PAPPA2: variants seen among roughly 807,000 people sequenced by gnomAD.
PAPPA2 encodes the protein pappalysin 2, also known as pappalysin-2.
Under a neutral mutation model 176.4 loss-of-function variants are expected in PAPPA2, and 86 were observed. That is an observed-to-expected ratio of 0.49 (90% CI 0.41 to 0.58). The LOEUF is 0.58. Among genes scored for constraint, PAPPA2 ranks in the 20% least tolerant of loss-of-function variants. The pLI, the probability that PAPPA2 is intolerant of heterozygous loss-of-function variation, is 0.00. For missense variants in PAPPA2, 2,073 were observed against 2,256.9 expected, an observed-to-expected ratio of 0.92 and a Z score of 1.65; for synonymous variants, 809 against 852.2, an observed-to-expected ratio of 0.95 and a Z score of 0.88.
chr1:176,813,245 T>C (rs1666234357), intron 21 of PAPPA2, among the ~76,000 whole-genome samples: 1 of 152,204 alleles, frequency 6.6e-6, no homozygotes, highest in African/African-American at 2.4e-5. Flanking sequence ...AGTGCTGCAA[T>C]GAACATACAC....
chr1:176,484,378 C>T (rs905797061), intron 1 of PAPPA2, among the ~76,000 whole-genome samples: 4 of 152,148 alleles, frequency 2.6e-5, no homozygotes, highest in Non-Finnish European at 5.9e-5. Flanking sequence ...CTGGATCTGT[C>T]GTTTAATGTG....
Position 176,606,954 on chromosome 1 carries a change from G to T in PAPPA2, c.1991+11359G>T, listed in dbSNP as rs1206645938. On this transcript the variant is annotated intron_variant, in intron 3 of 22. Coordinates refer to ENST00000367662, the MANE Select transcript of PAPPA2 (RefSeq NM_020318.3). The stretch of plus-strand genomic sequence containing the variant: ...AAAGTTATACTGGACAATAGTCTTA[G>T]ATGTTGGGCTAAGGGATTTGAACCA... 4.6e-5 allele frequency among the ~76,000 whole-genome samples: 7 copies of T among 152,306 alleles called. No homozygotes were observed. In the East Asian group the frequency reaches 1.4e-3, roughly 29 times the overall value.
intron 10 of PAPPA2, among the ~76,000 whole-genome samples, chr1:176,709,259 C>T (rs952051296): frequency 2.6e-5 from 4 of 152,158 alleles, no homozygotes; most frequent in African/African-American, 9.7e-5. Context: ...AACCTGCATT[C>T]TGGCTCTTGG....
chr1:176,828,442 C>T (rs553088850), intron 21 of PAPPA2, among the ~76,000 whole-genome samples: 4 of 151,584 alleles, frequency 2.6e-5, no homozygotes, highest in African/African-American at 7.3e-5. Flanking sequence ...TGCATCTATA[C>T]GTGCGTATAA....
chr1:176,545,722 A>G (rs1468386641), intron 1 of PAPPA2, among the ~76,000 whole-genome samples: 1 of 152,224 alleles, frequency 6.6e-6, no homozygotes, highest in Non-Finnish European at 1.5e-5. Flanking sequence ...AGGGATGACC[A>G]TGCATACTTC....
chr1:176,560,833 T>C (rs1651624344), intron 2 of PAPPA2, among the ~76,000 whole-genome samples: 1 of 152,232 alleles, frequency 6.6e-6, no homozygotes, highest in South Asian at 2.1e-4. Flanking sequence ...AAATGTTCCC[T>C]GAAGTTGCCC....
chr1:176,583,664 C>T (rs992729866), intron 2 of PAPPA2, among the ~76,000 whole-genome samples: 1 of 152,096 alleles, frequency 6.6e-6, no homozygotes, highest in African/African-American at 2.4e-5. Context: ...GTCTTAAACT[C>T]CTGGGCTCAA....
chr1:176,577,984 G>C (rs2102623550), intron 2 of PAPPA2, among the ~76,000 whole-genome samples: 1 of 152,204 alleles, frequency 6.6e-6, no homozygotes. Context: ...GGGCTTCTTG[G>C]AGAAGCAGGA....
chr1:176,702,768 TGTGTGTGTGA>T (rs935793758), intron 9 of PAPPA2, 33 bp downstream of exon 9: 3 of 1,577,402 alleles, frequency 1.9e-6, no homozygotes, highest in African/African-American at 2.9e-5. Flanking sequence ...TGTGTGTGTG[TGTGTGTGTGA>T]GAGAGAGAGA....
chr1:176,623,308 G>A (rs1655697019), intron 3 of PAPPA2, among the ~76,000 whole-genome samples: 1 of 152,128 alleles, frequency 6.6e-6, no homozygotes, highest in Admixed American at 6.5e-5. Context: ...ATAAGTCAAT[G>A]TATCTTTAAT....
At chr1:176,781,602 A>G (rs924387447) in intron 17 of PAPPA2, among the ~76,000 whole-genome samples, 1 of 151,914 alleles carries the variant, frequency 6.6e-6, no homozygotes, top group Non-Finnish European at 1.5e-5. Context: ...CAGGCCTGCA[A>G]TTTGTTAGAG....
chr1:176,474,616 A>C (rs1394711018), intron 1 of PAPPA2, among the ~76,000 whole-genome samples: 3 of 152,212 alleles, frequency 2.0e-5, no homozygotes, highest in African/African-American at 7.2e-5. Context: ...AGGAGACTTC[A>C]GGGATTAGAG....
chr1:176,805,991 C>CAAAAA (rs11439850), intron 21 of PAPPA2, among the ~76,000 whole-genome samples: 2 of 76,584 alleles, frequency 2.6e-5, no homozygotes, highest in African/African-American at 1.1e-4. Context: ...CTGTCTCTCT[C>CAAAAA]AAAAAAAAAA....
At chr1:176,709,959 G>A (rs751235437) in intron 10 of PAPPA2, 24 bp from the exon 11 acceptor site, 1 of 1,569,618 alleles carries the variant, frequency 6.4e-7, no homozygotes, top group Admixed American at 1.9e-5. Context: ...CACTTTTTCT[G>A]TGTCACACAA....
At chr1:176,685,398 G>A (rs1659789821) in intron 4 of PAPPA2, among the ~76,000 whole-genome samples, 1 of 152,122 alleles carries the variant, frequency 6.6e-6, no homozygotes, top group South Asian at 2.1e-4. Flanking sequence ...CAAAGAAGGA[G>A]CCCTGGCCTC....
intron 2 of PAPPA2, among the ~76,000 whole-genome samples, chr1:176,567,387 T>TTC (rs1652051785): frequency 6.6e-6 from 1 of 152,228 alleles, no homozygotes; most frequent in African/African-American, 2.4e-5. Flanking sequence ...ATTTCTGCAT[T>TTC]AGAAATCCAG....
rs866338265 is a variant in PAPPA2, at chr1:176,690,404, C to T, written c.2405C>T (p.Pro802Leu). ...TCGFTRFPGA[P>L]FTNYMSYTDD... is the part of the protein sequence containing the mutation. Reference sequence around the variant, plus strand: ...GGCTTCACTCGCTTCCCAGGGGCTCCGTTCACCAACTACATGAGCTACACG... The same window carrying T: ...GGCTTCACTCGCTTCCCAGGGGCTCTGTTCACCAACTACATGAGCTACACG... Residue 802 changes from proline (P) to leucine (L), a missense_variant, in exon 5 of 23, where the codon CCG becomes CTG. By Grantham distance (98) the Pro-to-Leu change is moderately conservative. Around this residue, in one of 4 missense-constraint regions of PAPPA2, gnomAD observed 1,196 missense variants for 1,330.4 expected, o/e 0.90. Transcript: ENST00000367662. The T allele has an allele frequency of 8.1e-6, 13 of 1,614,076 alleles. No individual in the cohort carries two copies. In the Middle Eastern group the frequency reaches 6.6e-4, roughly 82 times the overall value.
intron 10 of PAPPA2, 71 bp downstream of exon 10, chr1:176,706,521 A>G: frequency 1.6e-6 from 2 of 1,248,476 alleles, no homozygotes; most frequent in Non-Finnish European, 2.3e-6. Context: ...AGTTCTTGAT[A>G]TCCTGTAACA....
intron 12 of PAPPA2, among the ~76,000 whole-genome samples, chr1:176,724,784 A>G (rs1661789332): frequency 6.6e-6 from 1 of 152,234 alleles, no homozygotes; most frequent in Admixed American, 6.5e-5. Flanking sequence ...CAGGCGTCAA[A>G]GAAGAAGAAA....
Sources: allele counts gnomAD v4.1 joint callset (sites outside exome capture counted in the v4.1 genomes callset), GRCh38; gene constraint gnomAD v4.1.1; regional missense constraint gnomAD v4.1.1; transcripts MANE v1.5; gene names NCBI Gene and HGNC (gene_info 2026-07-23, HGNC 2026-07-21).